PCDH9: variants seen among roughly 807,000 people sequenced by gnomAD.
PCDH9 encodes the protein protocadherin-9.
PCDH9 carries 24 observed loss-of-function variants against 70.6 expected under a neutral mutation model. The observed-to-expected ratio is 0.34, with a 90% CI of 0.25 to 0.48. PCDH9 has a LOEUF of 0.48. Ranked by LOEUF, PCDH9 falls within the 20% of genes least tolerant of loss-of-function variation. The pLI is 0.99. For missense variants in PCDH9, 1,281 were observed against 1,503.6 expected (o/e 0.85, Z 2.45); for synonymous variants, 562 against 558.5 (o/e 1.01, Z -0.09).
chr13:67,215,130 A>T (rs1432601402), intron 2 of PCDH9: 3 of 151,208 alleles, frequency 2.0e-5, no homozygotes, highest in Non-Finnish European at 4.4e-5. Flanking sequence ...CAAATATCAA[A>T]TTAGTTCTCT....
intron 2 of PCDH9, among the ~76,000 whole-genome samples, chr13:67,010,957 T>C (rs1259843883): frequency 6.6e-6 from 1 of 151,994 alleles, no homozygotes; most frequent in African/African-American, 2.4e-5. Context: ...ATTGTGATAT[T>C]TATCACTATA....
chr13:66,314,624 G>A (rs1486036732), intron 4 of PCDH9, among the ~76,000 whole-genome samples: 1 of 152,130 alleles, frequency 6.6e-6, no homozygotes, highest in African/African-American at 2.4e-5. Flanking sequence ...CTTATCAGGA[G>A]TATTGGATTA....
At chr13:66,628,828 C>A (rs1360860985) in intron 4 of PCDH9, among the ~76,000 whole-genome samples, 1 of 152,258 alleles carries the variant, frequency 6.6e-6, no homozygotes, top group South Asian at 2.1e-4. Context: ...CATAATTTTG[C>A]AATTTTTCCT....
At chr13:66,690,459 ATTAGGG>A (rs1205318501) in intron 3 of PCDH9, among the ~76,000 whole-genome samples, 1 of 152,194 alleles carries the variant, frequency 6.6e-6, no homozygotes, top group African/African-American at 2.4e-5. Context: ...TTTGCTTGAT[ATTAGGG>A]TTAAAGAATC....
chr13:67,048,796 C>A (rs767953128), intron 2 of PCDH9, among the ~76,000 whole-genome samples: 6 of 152,186 alleles, frequency 3.9e-5, no homozygotes, highest in African/African-American at 9.6e-5. Flanking sequence ...GTGACTCACA[C>A]GGTTTTGCAC....
intron 2 of PCDH9, among the ~76,000 whole-genome samples, chr13:67,161,040 T>G (rs1249265125): frequency 6.6e-6 from 1 of 152,132 alleles, no homozygotes; most frequent in Non-Finnish European, 1.5e-5. Context: ...TCAGGAAGAG[T>G]ATCTTTCTAG....
intron 4 of PCDH9, among the ~76,000 whole-genome samples, chr13:66,605,565 C>T (rs912785111): frequency 1.3e-5 from 2 of 152,160 alleles, no homozygotes; most frequent in African/African-American, 4.8e-5. Context: ...AAGTTACTGT[C>T]TACTTGGCTA....
At chr13:66,477,424 T>C (rs1444180668) in intron 4 of PCDH9, among the ~76,000 whole-genome samples, 1 of 152,190 alleles carries the variant, frequency 6.6e-6, no homozygotes, top group African/African-American at 2.4e-5. Context: ...TGGTCTTTCA[T>C]GTGAATTTAT....
chr13:66,812,112 T>G (rs1232672118), intron 3 of PCDH9, among the ~76,000 whole-genome samples: 1 of 152,016 alleles, frequency 6.6e-6, no homozygotes, highest in Non-Finnish European at 1.5e-5. Flanking sequence ...CATTGTATAA[T>G]TCTCATGCCT....
At chr13:66,673,842 A>G (rs938899111) in intron 3 of PCDH9, among the ~76,000 whole-genome samples, 3 of 152,190 alleles carry the variant, frequency 2.0e-5, no homozygotes, top group African/African-American at 7.2e-5. Context: ...CATTCGTTTA[A>G]GTAATTAACA....
At chr13:67,182,444 G>A (rs548934286) in intron 2 of PCDH9, among the ~76,000 whole-genome samples, 7 of 151,502 alleles carry the variant, frequency 4.6e-5, no homozygotes, top group South Asian at 2.1e-4. Context: ...ACCTTTTTTC[G>A]CTATATCTTA....
At chr13:66,511,871 A>G in intron 4 of PCDH9, among the ~76,000 whole-genome samples, 1 of 152,086 alleles carries the variant, frequency 6.6e-6, no homozygotes. Flanking sequence ...CTTCCTGTGC[A>G]ACCTGTGGAA....
At chr13:67,207,887 C>A (rs1051837966) in intron 2 of PCDH9, 1 of 152,116 alleles carries the variant, frequency 6.6e-6, no homozygotes, top group Admixed American at 6.5e-5. Context: ...TACTCTAATA[C>A]TACAAAGGTT....
intron 3 of PCDH9, among the ~76,000 whole-genome samples, chr13:66,862,420 T>G (rs2081499736): frequency 6.6e-6 from 1 of 152,166 alleles, no homozygotes; most frequent in Admixed American, 6.6e-5. Context: ...AATACTGTTT[T>G]GTTAACTGAG....
At chr13:67,096,906 CT>C (rs1566422586) in intron 2 of PCDH9, among the ~76,000 whole-genome samples, 1 of 151,852 alleles carries the variant, frequency 6.6e-6, no homozygotes, top group African/African-American at 2.4e-5. Flanking sequence ...TTTTCCCGTG[CT>C]TTGTTTTCAT....
At chr13:66,656,897 C>A (rs1003433074) in intron 3 of PCDH9, among the ~76,000 whole-genome samples, 7 of 152,120 alleles carry the variant, frequency 4.6e-5, no homozygotes, top group Non-Finnish European at 1.0e-4. Context: ...CTATTTCTTT[C>A]TTAAATCCCC....
chr13:66,788,896 G>A (rs1035225122), intron 3 of PCDH9, among the ~76,000 whole-genome samples: 5 of 151,978 alleles, frequency 3.3e-5, no homozygotes, highest in Non-Finnish European at 7.4e-5. Context: ...AGTCTGACTA[G>A]CACATGTAGA....
At chr13:66,881,215 T>G (rs908193343) in intron 3 of PCDH9, among the ~76,000 whole-genome samples, 1 of 152,206 alleles carries the variant, frequency 6.6e-6, no homozygotes, top group African/African-American at 2.4e-5. Context: ...TTTATATTAG[T>G]GTTAGTCCGT....
chr13:66,612,014 T>C (rs1184810888), intron 4 of PCDH9, among the ~76,000 whole-genome samples: 1 of 152,222 alleles, frequency 6.6e-6, no homozygotes, highest in Non-Finnish European at 1.5e-5. Context: ...AAAAGTGTAT[T>C]TTATGGATTC....
Sources: gnomAD v4.1 joint callset for allele counts (sites outside exome capture counted in the v4.1 genomes callset) on GRCh38, gnomAD v4.1.1 for gene constraint, MANE v1.5 for transcripts, NCBI Gene and HGNC (gene_info 2026-07-23, HGNC 2026-07-21) for gene names.